Variants in LAMB3 observed in about 807,000 individuals in gnomAD.
The protein encoded by LAMB3 is laminin subunit beta-3.
A neutral mutation model predicts 140.3 loss-of-function variants in LAMB3; 104 were observed. That is an observed-to-expected ratio of 0.74 (90% CI 0.63 to 0.87). The LOEUF is 0.87. Ranked by LOEUF, LAMB3 falls within the 40% of genes least tolerant of loss-of-function variation. LAMB3 has a pLI of 0.00. For missense variants in LAMB3, 1,531 were observed against 1,575.2 expected, an observed-to-expected ratio of 0.97 and a Z score of 0.47; for synonymous variants, 592 against 602.9, an observed-to-expected ratio of 0.98 and a Z score of 0.26.
At chr1:209,617,194 T>G (rs1017067207) in intron 21 of LAMB3, among the ~76,000 whole-genome samples, 3 of 152,220 alleles carry the variant, frequency 2.0e-5, no homozygotes, top group African/African-American at 7.2e-5. Context: ...GGGACTGGAC[T>G]AGGTCATCTC....
Position 209,626,860 on chromosome 1 carries a change from C to T in LAMB3, c.1597+7G>A, listed in dbSNP as rs1481174819. On this transcript the variant is annotated splice_region_variant and intron_variant, in intron 13 of 22. Transcript: ENST00000356082. ...GCCTCAGCGTCCCCCAGGCTTTGAG[C>T]ATGCACCTCGGCATCCTGTGGCCAC... The T allele has an allele frequency of 1.9e-6, 3 of 1,608,270 alleles. No homozygotes were observed. Among genetic ancestry groups the T allele is most frequent in the African/African-American group, 2.7e-5 (2 of 74,826 alleles).
At chr1:209,640,119 A>C (rs1489122171) in intron 3 of LAMB3, among the ~76,000 whole-genome samples, 1 of 152,234 alleles carries the variant, frequency 6.6e-6, no homozygotes, top group Non-Finnish European at 1.5e-5. Context: ...GGTCTCACCC[A>C]GTCTGCAAAT....
chr1:209,637,862 G>T (rs1393034615), intron 5 of LAMB3, 46 bp downstream of exon 5: 1 of 1,494,894 alleles, frequency 6.7e-7, no homozygotes, highest in Non-Finnish European at 9.3e-7. Flanking sequence ...CGCCCACATG[G>T]CCCAGGAGCC....
At chr1:209,630,332 T>A (rs895457435) in intron 9 of LAMB3, among the ~76,000 whole-genome samples, 1 of 151,966 alleles carries the variant, frequency 6.6e-6, no homozygotes. Flanking sequence ...CCATTTGAAG[T>A]AGGAAAAATG....
At position 209,644,611 on chromosome 1, in the gene LAMB3, T is replaced by C. The variant is rs376826228; in HGVS notation, c.183+5353A>G. ...TACCTGTGCTGTTCTTTTTTTTTTT[T>C]CTTTCCTCCCCAGCATACTGGTGCT... On this transcript the variant is annotated intron_variant, in intron 3 of 22. Coordinates refer to ENST00000356082, the MANE Select transcript of LAMB3 (RefSeq NM_000228.3). Among the ~76,000 whole-genome samples the C allele has an allele frequency of 8.7e-4, 132 of 152,216 alleles. 1 individual carries two copies. Among genetic ancestry groups the C allele is most frequent in the African/African-American group, 3.1e-3 (127 of 41,508 alleles).
At chr1:209,641,535 T>C (rs1316354651) in intron 3 of LAMB3, among the ~76,000 whole-genome samples, 1 of 152,172 alleles carries the variant, frequency 6.6e-6, no homozygotes, top group Non-Finnish European at 1.5e-5. Context: ...CACTCGAAAC[T>C]AGCTGAGTGG....
chr1:209,631,572 AC>A (rs1666693347), intron 8 of LAMB3, among the ~76,000 whole-genome samples: 1 of 151,908 alleles, frequency 6.6e-6, no homozygotes, highest in Non-Finnish European at 1.5e-5. Context: ...GACCCAATTC[AC>A]TCTGAATCTC....
At position 209,629,914 on chromosome 1, in the gene LAMB3, T is replaced by C; in HGVS notation, c.955A>G (p.Asn319Asp). 1 of 1,613,876 alleles carries C rather than the reference T, an allele frequency of 6.2e-7. No individual in the cohort carries two copies. The highest frequency in any genetic ancestry group is 1.7e-5 in the Admixed American group (1 of 60,016). The change falls in exon 10 of 23, where the codon AAT becomes GAT. Residue 319 changes from asparagine (N) to aspartate (D), a missense_variant. By Grantham distance (23) the Asn-to-Asp change is conservative. Coordinates refer to ENST00000356082, the MANE Select transcript of LAMB3 (RefSeq NM_000228.3). The part of the protein sequence containing the change: ...DAHECQRCDC[N>D]GHSETCHFDP... ...AAGTGACATGTCTCTGAGTGCCCAT[T>C]GCAGTCGCACCCTGGAAAAAGAGAG...
intron 1 of LAMB3, 58 bp from the exon 2 acceptor site, chr1:209,651,039 C>T (rs943544715): frequency 1.1e-4 from 126 of 1,131,162 alleles, no homozygotes; most frequent in Non-Finnish European, 1.1e-4. Flanking sequence ...GCACACTAGC[C>T]CTTTTTCTTT....
chr1:209,624,058 C>T, intron 14 of LAMB3, 58 bp from the exon 15 acceptor site: 2 of 1,503,210 alleles, frequency 1.3e-6, no homozygotes, highest in East Asian at 2.3e-5. Flanking sequence ...CTCCCCAAAG[C>T]AGCTATCCCC....
At chr1:209,622,715 G>T in intron 17 of LAMB3, 35 bp from the exon 18 acceptor site, 1 of 1,613,500 alleles carries the variant, frequency 6.2e-7, no homozygotes. Context: ...AAGGGGTAAG[G>T]CCCCAAGGGA....
chr1:209,616,630 A>G lies in LAMB3; in HGVS notation c.3229-6T>C. The G allele has an allele frequency of 6.2e-7, 1 of 1,614,124 alleles. No homozygotes were observed. The highest frequency in any genetic ancestry group is 8.5e-7 in the Non-Finnish European group (1 of 1,179,972). Reference sequence around the variant, plus strand: ...TGTTTTATTCTCTCAAATCCCTGAAAAAGGTAGAATAGTCTCAGTGTCATT... The same window carrying G: ...TGTTTTATTCTCTCAAATCCCTGAAGAAGGTAGAATAGTCTCAGTGTCATT... On this transcript the variant is annotated splice_polypyrimidine_tract_variant and splice_region_variant and intron_variant, in intron 21 of 22. Coordinates refer to ENST00000356082, the MANE Select transcript of LAMB3 (RefSeq NM_000228.3).
In LAMB3 at chr1:209,630,726, C is replaced by G. The variant is rs554334415; in HGVS notation, c.832G>C (p.Val278Leu). Residue 278 changes from valine (V) to leucine (L), a missense_variant, in exon 9 of 23, where the codon GTC becomes CTC. Val to Leu is a conservative substitution (Grantham distance 32). Coordinates refer to ENST00000356082, the MANE Select transcript of LAMB3 (RefSeq NM_000228.3). Reference sequence around the variant, plus strand: ...GCAGTGTTGTGCTGGCAGACACAGACATCGTGGACCTGGGAGGGGGACCGT... The same window carrying G: ...GCAGTGTTGTGCTGGCAGACACAGAGATCGTGGACCTGGGAGGGGGACCGT... The part of the protein sequence containing the change: ...GPSTAVQVHD[V>L]CVCQHNTAGP... 57 of 1,613,854 alleles carry G rather than the reference C, an allele frequency of 3.5e-5. No homozygotes were observed. The highest frequency in any genetic ancestry group is 4.7e-5 in the Non-Finnish European group (55 of 1,180,006).
At chr1:209,636,142 G>A (rs1032626726) in intron 5 of LAMB3, among the ~76,000 whole-genome samples, 10 of 148,452 alleles carry the variant, frequency 6.7e-5, no homozygotes, top group African/African-American at 2.0e-4. Flanking sequence ...ACGTCACCAC[G>A]ATTTCCAATT....
intron 18 of LAMB3, among the ~76,000 whole-genome samples, chr1:209,621,065 C>T (rs926273076): frequency 1.3e-5 from 2 of 152,212 alleles, no homozygotes; most frequent in African/African-American, 4.8e-5. Context: ...ACCTGAGATA[C>T]AAGTATAAGA....
chr1:209,615,298 G>A lies in LAMB3; in HGVS notation c.3492C>T (p.Arg1164=), dbSNP rs764488417. 9 of 1,614,150 alleles carry A rather than the reference G, an allele frequency of 5.6e-6. No homozygotes were observed. In the East Asian group the frequency reaches 6.7e-5, roughly 12 times the overall value. The change falls in exon 23 of 23, where the codon CGC becomes CGT. Residue 1164 remains arginine (R), a synonymous_variant. Coordinates refer to ENST00000356082, the MANE Select transcript of LAMB3 (RefSeq NM_000228.3). ...ACTTGCAGGTGGCATAGTAGAGCAC[G>A]CGCCCATTGATGTGGTCACGGATCT... ...VEQIRDHING[R]VLYYATCK
intron 3 of LAMB3, among the ~76,000 whole-genome samples, chr1:209,647,595 G>A (rs2076529316): frequency 6.6e-6 from 1 of 152,212 alleles, no homozygotes; most frequent in South Asian, 2.1e-4. Context: ...CTTCAGGGAA[G>A]TGTGTCTGTG....
rs549487399 is a variant in LAMB3, at chr1:209,650,901, G to C, written c.28+16C>G. ...GCCATATAACAGGGCCTGGAAGGAT[G>C]GGAAGGGGTACTTACCAAAACACAA... On this transcript the variant is annotated intron_variant, in intron 2 of 22. Transcript: ENST00000356082. The C allele has an allele frequency of 7.4e-6, 12 of 1,613,680 alleles. No individual in the cohort carries two copies. In the South Asian group the frequency reaches 1.2e-4, roughly 16 times the overall value.
intron 9 of LAMB3, 199 bp downstream of exon 9, chr1:209,630,416 G>A: frequency 1.6e-6 from 1 of 636,076 alleles, no homozygotes; most frequent in Non-Finnish European, 2.7e-6. Context: ...GCTCTAGCTG[G>A]GGACAGTGGG....
Sources: allele counts gnomAD v4.1 joint callset (sites outside exome capture counted in the v4.1 genomes callset), GRCh38; gene constraint gnomAD v4.1.1; transcripts MANE v1.5; gene names NCBI Gene and HGNC (gene_info 2026-07-23, HGNC 2026-07-21).